The following CCSER1 variants were observed in gnomAD, a reference collection of about 807,000 sequenced individuals.
CCSER1 encodes the protein serine-rich coiled-coil domain-containing protein 1.
A neutral mutation model predicts 82.0 loss-of-function variants in CCSER1; 41 were observed. That is an observed-to-expected ratio of 0.50 (90% confidence interval 0.39 to 0.65). The LOEUF (loss-of-function observed/expected upper bound fraction) is 0.65. Among genes scored for constraint, CCSER1 ranks in the 30% least tolerant of loss-of-function variants. The pLI is 0.00. For missense variants in CCSER1, 1,119 were observed against 1,064.2 expected, an observed-to-expected ratio of 1.05 and a Z score of -0.72; for synonymous variants, 414 against 383.9, an observed-to-expected ratio of 1.08 and a Z score of -0.92.
At chr4:91,381,278 A>G (rs939625543) in intron 10 of CCSER1, among the ~76,000 whole-genome samples, 1 of 152,036 alleles carries the variant, frequency 6.6e-6, no homozygotes, top group Non-Finnish European at 1.5e-5. Flanking sequence ...GGTTTCCTGA[A>G]TCTGAATGTT....
At chr4:90,243,049 T>C (rs1302216131) in intron 1 of CCSER1, among the ~76,000 whole-genome samples, 1 of 147,956 alleles carries the variant, frequency 6.8e-6, no homozygotes, top group Non-Finnish European at 1.5e-5. Context: ...CTCTCTCTCT[T>C]TTCTCTCTCT....
intron 4 of CCSER1, among the ~76,000 whole-genome samples, chr4:90,432,917 A>G (rs1388602739): frequency 6.6e-6 from 1 of 151,874 alleles, no homozygotes; most frequent in Non-Finnish European, 1.5e-5. Context: ...AAATCTCCCT[A>G]CCTAGGTACC....
In CCSER1 at chr4:90,866,990, C is replaced by A. The variant is rs931256866; in HGVS notation, c.2094+51145C>A. 5.3e-5 allele frequency among the ~76,000 whole-genome samples: 8 copies of A among 152,150 alleles called. No individual in the cohort carries two copies. The South Asian group carries it at 1.7e-3, about 32-fold the overall frequency. Reference sequence around the variant, plus strand: ...CAACTGCTCACCTCCTGTTGTGTGGCCCAGTTCCTTATAGGCCACGGACTG... The same window carrying A: ...CAACTGCTCACCTCCTGTTGTGTGGACCAGTTCCTTATAGGCCACGGACTG... On this transcript the variant is annotated intron_variant, in intron 8 of 10. Coordinates refer to ENST00000509176, the MANE Select transcript of CCSER1 (RefSeq NM_001145065.2).
At chr4:90,412,481 A>T (rs1032052123) in intron 4 of CCSER1, among the ~76,000 whole-genome samples, 1 of 151,536 alleles carries the variant, frequency 6.6e-6, no homozygotes, top group Non-Finnish European at 1.5e-5. Flanking sequence ...TAAAAAAAAG[A>T]ATTTTGAATG....
intron 10 of CCSER1, among the ~76,000 whole-genome samples, chr4:91,150,409 A>G (rs1560469462): frequency 1.3e-5 from 2 of 152,196 alleles, no homozygotes; most frequent in Admixed American, 6.5e-5. Flanking sequence ...TAAATATACA[A>G]TCATGTCATC....
chr4:91,154,542 TC>T (rs1730606578), intron 10 of CCSER1, among the ~76,000 whole-genome samples: 1 of 152,010 alleles, frequency 6.6e-6, no homozygotes, highest in African/African-American at 2.4e-5. Context: ...GCACCCACTG[TC>T]CAACAAGCTC....
At chr4:91,415,879 T>C (rs1356980497) in intron 10 of CCSER1, among the ~76,000 whole-genome samples, 1 of 152,108 alleles carries the variant, frequency 6.6e-6, no homozygotes, top group Non-Finnish European at 1.5e-5. Context: ...TATTATTTTT[T>C]TGTTGTATCT....
chr4:90,888,992 C>T (rs529671629), intron 8 of CCSER1, among the ~76,000 whole-genome samples: 1 of 152,054 alleles, frequency 6.6e-6, no homozygotes, highest in East Asian at 1.9e-4. Flanking sequence ...ATAGCAATGT[C>T]ATAGTTTGTC....
intron 4 of CCSER1, among the ~76,000 whole-genome samples, chr4:90,467,115 C>A (rs1314469518): frequency 6.6e-6 from 1 of 152,122 alleles, no homozygotes; most frequent in Non-Finnish European, 1.5e-5. Context: ...GGGCCGGGTG[C>A]AGTGGCTCAT....
At chr4:90,369,060 A>G (rs1746851346) in intron 3 of CCSER1, among the ~76,000 whole-genome samples, 2 of 151,962 alleles carry the variant, frequency 1.3e-5, no homozygotes, top group Non-Finnish European at 2.9e-5. Context: ...CAGAAATTTT[A>G]AAATCAGTAA....
chr4:91,191,940 A>C (rs938760271), intron 10 of CCSER1, among the ~76,000 whole-genome samples: 1 of 152,288 alleles, frequency 6.6e-6, no homozygotes, highest in Admixed American at 6.5e-5. Context: ...AATAAGAAAA[A>C]GTAGCCTATT....
Position 91,599,136 on chromosome 4 carries a change from A to G in CCSER1, c.*79A>G. On this transcript the variant is annotated 3_prime_UTR_variant, in exon 11 of 11. Coordinates refer to ENST00000509176, the MANE Select transcript of CCSER1 (RefSeq NM_001145065.2). ...GTGCATAGTTCATATTAAAATTGTC[A>G]TGTACTTTTTCTTACATTTTAGTTA... 3.6e-6 allele frequency: 5 copies of G among 1,388,620 alleles called. No individual in the cohort carries two copies. Among genetic ancestry groups the G allele is most frequent in the South Asian group, 1.8e-5 (1 of 56,608 alleles). 86.0% of individuals were successfully genotyped at this position (1,388,620 alleles called of 1,614,324 possible).
intron 6 of CCSER1, among the ~76,000 whole-genome samples, chr4:90,668,451 G>C (rs1337808898): frequency 6.6e-6 from 1 of 152,046 alleles, no homozygotes; most frequent in Admixed American, 6.6e-5. Flanking sequence ...TTACGCGATT[G>C]ATAATTCAAA....
intron 10 of CCSER1, among the ~76,000 whole-genome samples, chr4:91,570,556 A>G (rs951459201): frequency 1.3e-4 from 20 of 152,188 alleles, no homozygotes; most frequent in Admixed American, 1.0e-3. Flanking sequence ...TAAGCCACCA[A>G]GGCTTGGGGC....
chr4:91,110,305 T>A (rs1581575348), intron 10 of CCSER1, among the ~76,000 whole-genome samples: 1 of 143,842 alleles, frequency 7.0e-6, no homozygotes, highest in Admixed American at 7.1e-5. Context: ...AGGAAAAAAA[T>A]AAACTTAGTG....
chr4:90,190,437 A>T (rs1413204489), intron 1 of CCSER1, among the ~76,000 whole-genome samples: 1 of 152,080 alleles, frequency 6.6e-6, no homozygotes, highest in African/African-American at 2.4e-5. Flanking sequence ...TTTCATCAGG[A>T]TGCATGTAAT....
chr4:91,384,716 T>A (rs115495767), intron 10 of CCSER1, among the ~76,000 whole-genome samples: 2,809 of 152,172 alleles, frequency 0.018, 64 homozygotes, highest in African/African-American at 0.063. Flanking sequence ...ATTGTTAAAT[T>A]TCACTGACAG....
chr4:90,138,308 A>T (rs1724079951), intron 1 of CCSER1, among the ~76,000 whole-genome samples: 1 of 152,074 alleles, frequency 6.6e-6, no homozygotes, highest in South Asian at 2.1e-4. Context: ...CCTCTCACTT[A>T]TGCCTCCCGA....
chr4:90,507,623 G>A (rs996825649), intron 5 of CCSER1, among the ~76,000 whole-genome samples: 2 of 152,034 alleles, frequency 1.3e-5, no homozygotes, highest in African/African-American at 4.8e-5. Context: ...CTATACAGCA[G>A]TTATTCAGTA....
Sources: allele counts gnomAD v4.1 joint callset (sites outside exome capture counted in the v4.1 genomes callset), GRCh38; gene constraint gnomAD v4.1.1; transcripts MANE v1.5; gene names NCBI Gene and HGNC (gene_info 2026-07-23, HGNC 2026-07-21).